The following CPPED1 variants were observed in gnomAD, a reference collection of about 807,000 sequenced individuals.
CPPED1 encodes the protein calcineurin like phosphoesterase domain containing 1.
In CPPED1, 28 loss-of-function variants were observed where a neutral mutation model predicts 28.0. The ratio of observed to expected loss-of-function variants is 1.00; its 90% CI spans 0.74 to 1.37. The LOEUF is 1.37. Among genes scored for constraint, CPPED1 ranks in the 40% most tolerant of loss-of-function variants. CPPED1 has a pLI of 0.00. For missense variants in CPPED1, 504 were observed against 416.5 expected (o/e 1.21, Z -1.83); for synonymous variants, 198 against 180.2 (o/e 1.10, Z -0.79).
intron 1 of CPPED1, among the ~76,000 whole-genome samples, chr16:12,795,784 A>T (rs1409625769): frequency 2.6e-5 from 4 of 152,152 alleles, no homozygotes; most frequent in Non-Finnish European, 4.4e-5. Flanking sequence ...CATTTACTCA[A>T]TATTAAATGG....
intron 2 of CPPED1, among the ~76,000 whole-genome samples, chr16:12,729,006 T>C (rs193198216): frequency 2.0e-5 from 3 of 152,328 alleles, no homozygotes; most frequent in Admixed American, 2.0e-4. Flanking sequence ...ACTTGTTCTC[T>C]GCTGGTGAGG....
intron 2 of CPPED1, among the ~76,000 whole-genome samples, chr16:12,719,241 A>T (rs2080124731): frequency 6.6e-6 from 1 of 151,930 alleles, no homozygotes; most frequent in Non-Finnish European, 1.5e-5. Context: ...AACACAAAAA[A>T]TTAGCCAGGT....
intron 2 of CPPED1, among the ~76,000 whole-genome samples, chr16:12,720,549 G>A (rs925094949): frequency 3.3e-5 from 5 of 152,138 alleles, no homozygotes; most frequent in Admixed American, 1.3e-4. Flanking sequence ...GTGCACTGGC[G>A]CAATCTTGGC....
intron 2 of CPPED1, among the ~76,000 whole-genome samples, chr16:12,748,550 T>A (rs1033638247): frequency 4.6e-5 from 7 of 152,174 alleles, no homozygotes; most frequent in African/African-American, 1.4e-4. Context: ...GGTTTCCCAG[T>A]GCATATAAAA....
In CPPED1 at chr16:12,664,953, T is replaced by C. The variant is rs368474690; in HGVS notation, c.878A>G (p.Tyr293Cys). ...TTTCTCACTCAGCTCATCTAGACTG[T>C]AGTATCGGTGAACAATTTTCTCGGC... The part of the protein sequence containing the change: ...VTAEKIVHRY[Y>C]SLDELSEKGI... Residue 293 changes from tyrosine to cysteine, a missense_variant, in exon 4 of 4, where the codon TAC becomes TGC. Physicochemically the swap from Tyr to Cys is radical, Grantham distance 194. Coordinates refer to ENST00000381774, the MANE Select transcript of CPPED1 (RefSeq NM_018340.3). The surrounding 1 kb of genome is among the most constrained non-coding windows in gnomAD (Gnocchi z 4.2). 41 of 1,611,454 alleles carry C rather than the reference T, an allele frequency of 2.5e-5. No homozygotes were observed. Among genetic ancestry groups the C allele is most frequent in the African/African-American group, 2.7e-5 (2 of 74,624 alleles).
intron 2 of CPPED1, among the ~76,000 whole-genome samples, chr16:12,771,625 C>T (rs151136974): frequency 5.9e-4 from 90 of 152,314 alleles, no homozygotes; most frequent in Non-Finnish European, 1.2e-3. Flanking sequence ...CGAGGCTTTG[C>T]TTATTATGGC....
At chr16:12,684,912 T>C (rs1248846745) in intron 3 of CPPED1, among the ~76,000 whole-genome samples, 1 of 152,166 alleles carries the variant, frequency 6.6e-6, no homozygotes, top group Admixed American at 6.5e-5. Flanking sequence ...GTAGGTATCC[T>C]GGAGGAGAAA....
chr16:12,779,667 G>A (rs536944506), intron 2 of CPPED1, among the ~76,000 whole-genome samples: 1 of 152,176 alleles, frequency 6.6e-6, no homozygotes, highest in South Asian at 2.1e-4. Context: ...ATAAGCCACC[G>A]CGCCCGGCCA....
intron 2 of CPPED1, among the ~76,000 whole-genome samples, chr16:12,766,023 A>G (rs2141229397): frequency 6.6e-6 from 1 of 152,212 alleles, no homozygotes; most frequent in East Asian, 1.9e-4. Flanking sequence ...ATGAAAAAGA[A>G]GATGTAAATA....
At chr16:12,705,665 G>A (rs1005876296) in intron 2 of CPPED1, among the ~76,000 whole-genome samples, 5 of 152,200 alleles carry the variant, frequency 3.3e-5, no homozygotes, top group African/African-American at 7.2e-5. Context: ...GGGTGAGGCA[G>A]GAGAATCGCT....
intron 1 of CPPED1, among the ~76,000 whole-genome samples, chr16:12,783,747 C>T (rs1164929792): frequency 6.6e-6 from 1 of 152,118 alleles, no homozygotes; most frequent in Non-Finnish European, 1.5e-5. Context: ...AACAAAAATA[C>T]CTCTGCACAC....
intron 1 of CPPED1, among the ~76,000 whole-genome samples, chr16:12,781,975 A>T (rs1249098819): frequency 6.6e-6 from 1 of 152,086 alleles, no homozygotes; most frequent in East Asian, 1.9e-4. Context: ...TGTGGGAGAA[A>T]AAAAAAAGAA....
Position 12,664,237 on chromosome 16 carries a change from G to A in CPPED1, c.*649C>T. On this transcript the variant is annotated 3_prime_UTR_variant, in exon 4 of 4. Coordinates refer to ENST00000381774, the MANE Select transcript of CPPED1 (RefSeq NM_018340.3). This position sits in a 1 kb window ranked among gnomAD's most constrained non-coding sequence, Gnocchi z 4.2. ...AGAAATGGCCAATTTATGTGCAAAG[G>A]TGACTTTTCTAGGCACCCAGGAAGG... is the stretch of plus-strand genomic sequence containing the variant. 2 of 389,594 alleles carry A rather than the reference G, an allele frequency of 5.1e-6. No individual in the cohort carries two copies. The highest frequency in any genetic ancestry group is 7.0e-6 in the Non-Finnish European group (2 of 284,970). The allele number at this position is 389,594 out of a possible 1,614,324, so 24.1% of individuals were successfully genotyped here. A position where few individuals can be genotyped will look rare whatever the true frequency, so the allele number is the denominator to read the frequency against.
At chr16:12,736,873 G>C (rs995016404) in intron 2 of CPPED1, among the ~76,000 whole-genome samples, 1 of 152,128 alleles carries the variant, frequency 6.6e-6, no homozygotes, top group Non-Finnish European at 1.5e-5. Flanking sequence ...GCAGTGGGGA[G>C]GGGAAGAGCT....
rs573669862 is a variant in CPPED1 at position 12,715,755 on chromosome 16, C to T, written c.290-10706G>A. Among the ~76,000 whole-genome samples, 58 of 152,282 alleles carry T rather than the reference C, an allele frequency of 3.8e-4. No homozygotes were observed. The Middle Eastern group carries it at 0.01, about 27-fold the overall frequency. On this transcript the variant is annotated intron_variant, in intron 2 of 3. Coordinates refer to ENST00000381774, the MANE Select transcript of CPPED1 (RefSeq NM_018340.3). ...GTTGGTCAGGCTGGTCTCGAACCCCCGACCTCAGGTGATCCTCCAGCTTCA... is the reference window on the plus strand; with the variant it reads ...GTTGGTCAGGCTGGTCTCGAACCCCTGACCTCAGGTGATCCTCCAGCTTCA...
intron 2 of CPPED1, among the ~76,000 whole-genome samples, chr16:12,730,793 G>A (rs2080193104): frequency 1.3e-5 from 2 of 152,162 alleles, no homozygotes; most frequent in South Asian, 4.1e-4. Flanking sequence ...GGCGCACGAG[G>A]GAGCCTTCTG....
intron 1 of CPPED1, among the ~76,000 whole-genome samples, chr16:12,799,505 C>T (rs991325378): frequency 6.6e-6 from 1 of 152,194 alleles, no homozygotes; most frequent in African/African-American, 2.4e-5. Context: ...CTCGGCCTCC[C>T]AAAGTGCAGG....
chr16:12,737,590 C>T (rs2080233270), intron 2 of CPPED1, among the ~76,000 whole-genome samples: 1 of 152,162 alleles, frequency 6.6e-6, no homozygotes, highest in South Asian at 2.1e-4. Flanking sequence ...TCTCTGGCTA[C>T]AATGCTTTTA....
At chr16:12,735,602 C>G (rs28639978) in intron 2 of CPPED1, among the ~76,000 whole-genome samples, 4,449 of 152,308 alleles carry the variant, frequency 0.029, 137 homozygotes, top group African/African-American at 0.08. Flanking sequence ...CCGTGCCTGG[C>G]ACCCTAAAGA....
Sources: gnomAD v4.1 joint callset for allele counts (sites outside exome capture counted in the v4.1 genomes callset) on GRCh38, gnomAD v4.1.1 for gene constraint, Gnocchi (gnomAD v3.1) non-coding constraint, MANE v1.5 for transcripts, NCBI Gene and HGNC (gene_info 2026-07-23, HGNC 2026-07-21) for gene names.